The following CNTNAP2 variants were observed in gnomAD, a reference collection of about 807,000 sequenced individuals.
CNTNAP2 encodes the protein contactin associated protein 2.
A neutral mutation model predicts 155.2 loss-of-function variants in CNTNAP2; 98 were observed. That is an observed-to-expected ratio of 0.63 (90% CI 0.54 to 0.75). The LOEUF is 0.75. CNTNAP2 is among the 30% of genes least tolerant of loss of function. The pLI, the probability that CNTNAP2 is intolerant of heterozygous loss-of-function variation, is 0.00. For missense variants in CNTNAP2, 1,727 were observed against 1,688.1 expected (o/e 1.02, Z -0.40); for synonymous variants, 651 against 631.2 (o/e 1.03, Z -0.47).
chr7:147,440,240 T>C (rs1797614995), intron 10 of CNTNAP2, among the ~76,000 whole-genome samples: 1 of 152,104 alleles, frequency 6.6e-6, no homozygotes, highest in Non-Finnish European at 1.5e-5. Context: ...TTGTGTGTTT[T>C]TTTACTTCTG....
chr7:146,741,682 G>A (rs1345251787), intron 1 of CNTNAP2, among the ~76,000 whole-genome samples: 1 of 152,152 alleles, frequency 6.6e-6, no homozygotes, highest in African/African-American at 2.4e-5. Context: ...TGGGCATGGA[G>A]GGTGAGGAAT....
At chr7:147,733,168 C>A (rs532924453) in intron 13 of CNTNAP2, among the ~76,000 whole-genome samples, 1 of 152,298 alleles carries the variant, frequency 6.6e-6, no homozygotes, top group South Asian at 2.1e-4. Flanking sequence ...GGTTTTAGGT[C>A]TAACATTTAA....
At chr7:146,127,634 T>C (rs1797655505) in intron 1 of CNTNAP2, among the ~76,000 whole-genome samples, 1 of 152,196 alleles carries the variant, frequency 6.6e-6, no homozygotes, top group Non-Finnish European at 1.5e-5. Flanking sequence ...TTAAGCCACA[T>C]GGGTGATCAC....
chr7:146,786,107 T>TA (rs891569963), intron 2 of CNTNAP2, among the ~76,000 whole-genome samples: 2 of 152,128 alleles, frequency 1.3e-5, no homozygotes, highest in Non-Finnish European at 2.9e-5. Flanking sequence ...GTTTAGGCCA[T>TA]AAAAAAACTG....
At chr7:147,146,853 C>A (rs909434590) in intron 8 of CNTNAP2, 6 of 152,152 alleles carry the variant, frequency 3.9e-5, no homozygotes, top group Admixed American at 3.9e-4. Flanking sequence ...TTTTGCAATT[C>A]TGTCAACTTA....
At chr7:147,972,828 A>G (rs1801356726) in intron 14 of CNTNAP2, among the ~76,000 whole-genome samples, 1 of 152,136 alleles carries the variant, frequency 6.6e-6, no homozygotes, top group Admixed American at 6.5e-5. Flanking sequence ...TTTGCTTGCA[A>G]AAAGATTCAC....
At chr7:148,084,982 T>C (rs1168678846) in intron 15 of CNTNAP2, among the ~76,000 whole-genome samples, 1 of 152,240 alleles carries the variant, frequency 6.6e-6, no homozygotes, top group Non-Finnish European at 1.5e-5. Context: ...ACGACAGTCA[T>C]TTAGTCGGTC....
At chr7:146,889,899 G>T (rs1795742236) in intron 3 of CNTNAP2, among the ~76,000 whole-genome samples, 1 of 151,960 alleles carries the variant, frequency 6.6e-6, no homozygotes, top group South Asian at 2.1e-4. Flanking sequence ...ATTTAGATTT[G>T]AGTATTATTG....
At chr7:146,746,042 G>C (rs961893058) in intron 1 of CNTNAP2, among the ~76,000 whole-genome samples, 3 of 152,118 alleles carry the variant, frequency 2.0e-5, no homozygotes, top group African/African-American at 7.2e-5. Context: ...CTTCTCATTA[G>C]GATAATGGGG....
chr7:146,579,304 A>AT (rs1798573714), intron 1 of CNTNAP2, among the ~76,000 whole-genome samples: 1 of 152,124 alleles, frequency 6.6e-6, no homozygotes, highest in Non-Finnish European at 1.5e-5. Context: ...AGCTCTATAG[A>AT]GGAAAGATAT....
intron 13 of CNTNAP2, among the ~76,000 whole-genome samples, chr7:147,652,967 G>GT (rs1227372165): frequency 6.6e-6 from 1 of 151,850 alleles, no homozygotes. Context: ...ACCTTTTTAT[G>GT]TTTTTTCAAT....
At chr7:146,713,332 C>T (rs1165185263) in intron 1 of CNTNAP2, among the ~76,000 whole-genome samples, 16 of 152,074 alleles carry the variant, frequency 1.1e-4, no homozygotes, top group Admixed American at 1.0e-3. Flanking sequence ...ATTAGTGTTC[C>T]ATCATTTGCA....
chr7:147,882,997 C>T (rs1166338025), intron 13 of CNTNAP2, among the ~76,000 whole-genome samples: 2 of 152,280 alleles, frequency 1.3e-5, no homozygotes, highest in East Asian at 3.9e-4. Context: ...TTAAATTTCT[C>T]ACTTCCGTAA....
chr7:146,169,980 C>T (rs1004497084), intron 1 of CNTNAP2, among the ~76,000 whole-genome samples: 1 of 150,778 alleles, frequency 6.6e-6, no homozygotes, highest in African/African-American at 2.4e-5. Flanking sequence ...GATATATACC[C>T]AAAAGTGGGA....
intron 18 of CNTNAP2, among the ~76,000 whole-genome samples, chr7:148,214,242 C>G (rs1795599024): frequency 6.6e-6 from 1 of 152,192 alleles, no homozygotes; most frequent in African/African-American, 2.4e-5. Flanking sequence ...TTGTCAGCAC[C>G]CAGCATCGTG....
At chr7:147,930,543 T>C (rs1368976557) in intron 14 of CNTNAP2, among the ~76,000 whole-genome samples, 2 of 152,228 alleles carry the variant, frequency 1.3e-5, no homozygotes, top group Non-Finnish European at 2.9e-5. Flanking sequence ...GTAACAATTT[T>C]ATATGCACCC....
chr7:148,043,818 T>C (rs528700365), intron 15 of CNTNAP2, among the ~76,000 whole-genome samples: 1 of 152,360 alleles, frequency 6.6e-6, no homozygotes, highest in South Asian at 2.1e-4. Flanking sequence ...TTCACCAGTA[T>C]CCTTTTCACT....
intron 1 of CNTNAP2, among the ~76,000 whole-genome samples, chr7:146,731,300 C>T (rs943468723): frequency 6.6e-6 from 1 of 152,104 alleles, no homozygotes; most frequent in Non-Finnish European, 1.5e-5. Flanking sequence ...AGGACTGAGG[C>T]ACCAGAGTTG....
chr7:147,488,660 C>T (rs975504964), intron 11 of CNTNAP2, among the ~76,000 whole-genome samples: 6 of 152,086 alleles, frequency 3.9e-5, no homozygotes, highest in Non-Finnish European at 5.9e-5. Context: ...TACACTAGCC[C>T]GGGCTTGGTC....
Sources: gnomAD v4.1 joint callset for allele counts (sites outside exome capture counted in the v4.1 genomes callset) on GRCh38, gnomAD v4.1.1 for gene constraint, MANE v1.5 for transcripts, NCBI Gene and HGNC (gene_info 2026-07-23, HGNC 2026-07-21) for gene names.